Variants in SDK1 observed in about 807,000 individuals in gnomAD.
The protein encoded by SDK1 is sidekick cell adhesion molecule 1, also known as protein sidekick-1.
SDK1 carries 157 observed loss-of-function variants against 245.5 expected under a neutral mutation model. The ratio of observed to expected loss-of-function variants is 0.64; its 90% confidence interval spans 0.56 to 0.73. SDK1 has a LOEUF of 0.73. Ranked by LOEUF, SDK1 falls within the 30% of genes least tolerant of loss-of-function variation. SDK1 has a pLI of 0.00. For synonymous variants in SDK1, 1,647 were observed against 1,278.5 expected, an observed-to-expected ratio of 1.29 and a Z score of -6.15; for missense variants, 3,583 against 3,002.3, an observed-to-expected ratio of 1.19 and a Z score of -4.52.
chr7:3,841,714 C>T (rs898470419), intron 5 of SDK1, among the ~76,000 whole-genome samples: 2 of 152,042 alleles, frequency 1.3e-5, no homozygotes, highest in Non-Finnish European at 2.9e-5. Flanking sequence ...AGGTGCCCGC[C>T]ACCATGCCTG....
intron 1 of SDK1, among the ~76,000 whole-genome samples, chr7:3,552,256 CTCGA>C (rs1270590929): frequency 6.6e-5 from 10 of 152,226 alleles, no homozygotes; most frequent in Admixed American, 2.0e-4. Context: ...CAAGGATGGT[CTCGA>C]TCGATCTCCT....
chr7:4,127,027 A>G (rs654384), intron 25 of SDK1, among the ~76,000 whole-genome samples: 106,970 of 152,028 alleles, frequency 0.7, 39,378 homozygotes, highest in African/African-American at 0.92. Context: ...AGAATACCAC[A>G]TTTAGAGCTG....
chr7:4,017,401 T>TTCCCC, intron 17 of SDK1, 49 bp downstream of exon 17: 1 of 1,538,664 alleles, frequency 6.5e-7, no homozygotes, highest in Non-Finnish European at 8.9e-7. Context: ...TGCCGGGGAA[T>TTCCCC]GGGATTTGCA....
intron 4 of SDK1, chr7:3,642,883 T>TCG (rs1376229034): frequency 2.0e-5 from 3 of 152,238 alleles, no homozygotes; most frequent in Admixed American, 1.3e-4. Context: ...AGGCCAGAAG[T>TCG]CAGATATTTA....
intron 1 of SDK1, among the ~76,000 whole-genome samples, chr7:3,408,836 C>T (rs1346581583): frequency 6.6e-6 from 1 of 152,174 alleles, no homozygotes; most frequent in African/African-American, 2.4e-5. Flanking sequence ...GATAATAATG[C>T]ATTATAAAAT....
rs529616159 is a variant in SDK1 at position 3,714,768 on chromosome 7, T to A, written c.713+72663T>A. Among the ~76,000 whole-genome samples, 49 of 152,330 alleles carry A rather than the reference T, an allele frequency of 3.2e-4. 1 individual carries two copies. In the South Asian group the frequency reaches 9.7e-3, roughly 30 times the overall value. On this transcript the variant is annotated intron_variant, in intron 4 of 44. Transcript: ENST00000404826. ...GTTGAGTGTCAAGTATCTGGGAGAT[T>A]TGCTTTTGTAGGACGGTTCATTTCC...
At position 4,019,382 on chromosome 7, in the gene SDK1, T is replaced by G. The variant is rs79403629; in HGVS notation, c.2602+2030T>G. On this transcript the variant is annotated intron_variant, in intron 17 of 44. Coordinates refer to ENST00000404826, the MANE Select transcript of SDK1 (RefSeq NM_152744.4). ...AGCTGCCTCTGACGTCAGTAGGACTTGAGATTTCAGAGGAGATTTGGCGAG... is the reference window on the plus strand; with the variant it reads ...AGCTGCCTCTGACGTCAGTAGGACTGGAGATTTCAGAGGAGATTTGGCGAG... Among the ~76,000 whole-genome samples, 183 of 152,216 alleles carry G rather than the reference T, an allele frequency of 1.2e-3. 1 individual carries two copies. Among genetic ancestry groups the G allele is most frequent in the African/African-American group, 4.2e-3 (176 of 41,526 alleles).
At chr7:4,081,481 G>A (rs556931145) in intron 22 of SDK1, among the ~76,000 whole-genome samples, 4 of 151,360 alleles carry the variant, frequency 2.6e-5, no homozygotes, top group Admixed American at 6.6e-5. Context: ...GTGCAGTGGC[G>A]CCTTCTCAGC....
intron 1 of SDK1, among the ~76,000 whole-genome samples, chr7:3,368,323 G>C (rs1417614230): frequency 6.6e-6 from 1 of 152,146 alleles, no homozygotes; most frequent in African/African-American, 2.4e-5. Flanking sequence ...AAAGTTACTT[G>C]TTCTCCCATT....
chr7:3,827,344 A>G (rs550053641), intron 5 of SDK1, among the ~76,000 whole-genome samples: 4 of 152,264 alleles, frequency 2.6e-5, no homozygotes, highest in African/African-American at 9.6e-5. Flanking sequence ...CCTGAGGTCA[A>G]ATTTTGCAAC....
chr7:3,344,450 T>C (rs900107955), intron 1 of SDK1, among the ~76,000 whole-genome samples: 1 of 152,198 alleles, frequency 6.6e-6, no homozygotes, highest in Non-Finnish European at 1.5e-5. Flanking sequence ...GTGGCAGTTA[T>C]TAGCTTTTGA....
At chr7:3,653,919 A>C (rs1404303274) in intron 4 of SDK1, among the ~76,000 whole-genome samples, 1 of 152,204 alleles carries the variant, frequency 6.6e-6, no homozygotes, top group Non-Finnish European at 1.5e-5. Flanking sequence ...GAGATTTAAC[A>C]GAAGAGAATG....
At chr7:3,942,807 A>G (rs894320767) in intron 5 of SDK1, among the ~76,000 whole-genome samples, 3 of 152,162 alleles carry the variant, frequency 2.0e-5, no homozygotes, top group African/African-American at 7.2e-5. Context: ...CACTTGTACT[A>G]CGGTTTTTCT....
intron 35 of SDK1, among the ~76,000 whole-genome samples, chr7:4,191,426 G>T (rs1244431950): frequency 6.6e-6 from 1 of 152,240 alleles, no homozygotes; most frequent in Non-Finnish European, 1.5e-5. Flanking sequence ...GGTGCCCGCT[G>T]CTGCATTTGG....
rs558022361 is a variant in SDK1 at position 3,599,850 on chromosome 7, G to A, written c.299-19230G>A. The stretch of plus-strand genomic sequence containing the variant: ...CTGTCCTTATTACTGTAGCTAGATA[G>A]TAACTTTGAAATCAGGAAGAGTGAT... On this transcript the variant is annotated intron_variant, in intron 1 of 44. Coordinates refer to ENST00000404826, the MANE Select transcript of SDK1 (RefSeq NM_152744.4). 5.9e-5 allele frequency among the ~76,000 whole-genome samples: 9 copies of A among 152,266 alleles called. No homozygotes were observed. The South Asian group carries it at 1.9e-3, about 32-fold the overall frequency.
Position 3,372,208 on chromosome 7 carries a change from C to T in SDK1, c.298+70324C>T, listed in dbSNP as rs182888946. 4.2e-3 allele frequency among the ~76,000 whole-genome samples: 643 copies of T among 152,244 alleles called. 10 individuals are homozygous for T. The highest frequency in any genetic ancestry group is 0.018 in the South Asian group (88 of 4,820). ...TGAAGGGAGAGAGTCTGGAGCAGTGCGAAGTCTTACAGCTTCCTGACCTTT... is the reference window on the plus strand; with the variant it reads ...TGAAGGGAGAGAGTCTGGAGCAGTGTGAAGTCTTACAGCTTCCTGACCTTT... On this transcript the variant is annotated intron_variant, in intron 1 of 44. Transcript: ENST00000404826.
At chr7:3,454,212 T>C (rs545284621) in intron 1 of SDK1, among the ~76,000 whole-genome samples, 1 of 152,246 alleles carries the variant, frequency 6.6e-6, no homozygotes, top group Admixed American at 6.5e-5. Context: ...ATAAAAATAA[T>C]TTACATCAAG....
chr7:3,721,510 T>A (rs1010184810), intron 4 of SDK1, among the ~76,000 whole-genome samples: 3 of 152,252 alleles, frequency 2.0e-5, no homozygotes, highest in Non-Finnish European at 4.4e-5. Context: ...CAGTACAGCG[T>A]AGGCTTCTAA....
intron 1 of SDK1, among the ~76,000 whole-genome samples, chr7:3,433,008 T>C (rs1382218662): frequency 1.3e-5 from 2 of 152,220 alleles, no homozygotes; most frequent in Non-Finnish European, 2.9e-5. Context: ...TGTTGAGGTT[T>C]CTATCCAAGT....
Sources: gnomAD v4.1 joint callset for allele counts (sites outside exome capture counted in the v4.1 genomes callset) on GRCh38, gnomAD v4.1.1 for gene constraint, MANE v1.5 for transcripts, NCBI Gene and HGNC (gene_info 2026-07-23, HGNC 2026-07-21) for gene names.